SLC15A1: variants seen among roughly 807,000 people sequenced by gnomAD.
The protein encoded by SLC15A1 is solute carrier family 15 member 1, also known as Caco-2 oligopeptide transporter.
A neutral mutation model predicts 92.9 loss-of-function variants in SLC15A1; 83 were observed. The ratio of observed to expected loss-of-function variants is 0.89; its 90% confidence interval spans 0.75 to 1.07. The LOEUF (loss-of-function observed/expected upper bound fraction) is 1.07, where lower values mean the gene tolerates loss of function less well. SLC15A1 is among the 50% of genes least tolerant of loss of function. The pLI is 0.00. For synonymous variants in SLC15A1, 322 were observed against 318.2 expected (o/e 1.01, Z -0.13); for missense variants, 857 against 880.1 (o/e 0.97, Z 0.33).
chr13:98,724,903 T>G (rs1367474514), intron 4 of SLC15A1, among the ~76,000 whole-genome samples: 1 of 152,172 alleles, frequency 6.6e-6, no homozygotes, highest in African/African-American at 2.4e-5. Flanking sequence ...CATGCTACAG[T>G]TTGGTTATCT....
At chr13:98,740,210 C>A (rs1164995334) in intron 1 of SLC15A1, among the ~76,000 whole-genome samples, 1 of 152,148 alleles carries the variant, frequency 6.6e-6, no homozygotes, top group African/African-American at 2.4e-5. Flanking sequence ...CCTGTCACTC[C>A]GAAGCCATGC....
intron 18 of SLC15A1, among the ~76,000 whole-genome samples, chr13:98,700,981 A>G (rs2088062388): frequency 6.6e-6 from 1 of 152,216 alleles, no homozygotes; most frequent in South Asian, 2.1e-4. Flanking sequence ...TTCCAACTTA[A>G]TTCTTTTTCA....
Position 98,688,580 on chromosome 13 carries a change from G to A in SLC15A1, c.1467-3C>T. On this transcript the variant is annotated splice_region_variant and splice_polypyrimidine_tract_variant and intron_variant, in intron 18 of 22. Coordinates refer to ENST00000376503, the MANE Select transcript of SLC15A1 (RefSeq NM_005073.4). ...GCTCGTTAAAAGTATTTACAAATCTGAAACAGAAAACCATCTGTCTTGTAA... is the reference window on the plus strand; with the variant it reads ...GCTCGTTAAAAGTATTTACAAATCTAAAACAGAAAACCATCTGTCTTGTAA... 6.2e-7 allele frequency: 1 copy of A among 1,606,102 alleles called. No homozygotes were observed. Among genetic ancestry groups the A allele is most frequent in the Non-Finnish European group, 8.5e-7 (1 of 1,173,070 alleles).
At chr13:98,688,641 C>T in intron 18 of SLC15A1, 64 bp from the exon 19 acceptor site, 1 of 1,193,750 alleles carries the variant, frequency 8.4e-7, no homozygotes, top group Non-Finnish European at 1.2e-6. Flanking sequence ...GGTCACAGTA[C>T]ATGCACCTGA....
At chr13:98,690,040 A>G (rs573261950) in intron 18 of SLC15A1, among the ~76,000 whole-genome samples, 3 of 152,144 alleles carry the variant, frequency 2.0e-5, no homozygotes, top group South Asian at 4.2e-4. Context: ...CTCTCATACA[A>G]CCCTAGTGAC....
chr13:98,721,769 A>G (rs1309777491), intron 6 of SLC15A1, 35 bp downstream of exon 6: 8 of 1,588,774 alleles, frequency 5.0e-6, no homozygotes, highest in Non-Finnish European at 5.2e-6. Flanking sequence ...TGTGTAGTTC[A>G]TTCACGTGGG....
At position 98,688,315 on chromosome 13, in the gene SLC15A1, C is replaced by A; in HGVS notation, c.1616G>T (p.Cys539Phe). The change falls in exon 20 of 23, where the codon TGT (cysteine) becomes TTT (phenylalanine). Residue 539 changes from cysteine (C) to phenylalanine (F), a missense_variant. By Grantham distance (205) the Cys-to-Phe change is radical. Transcript: ENST00000376503. ...TISSTEIPPQ[C>F]QPNFNTFYLE... ...GTAGAAAGTATTGAAATTAGGTTGA[C>A]ATTGTGGCGGAATCTCTGTTGAGCT... is the stretch of plus-strand genomic sequence containing the variant. 6.2e-7 allele frequency: 1 copy of A among 1,614,062 alleles called. No individual in the cohort carries two copies. The highest frequency in any genetic ancestry group is 2.2e-5 in the East Asian group (1 of 44,844).
intron 17 of SLC15A1, among the ~76,000 whole-genome samples, chr13:98,702,936 C>G (rs2088079838): frequency 2.2e-5 from 3 of 139,050 alleles, no homozygotes; most frequent in African/African-American, 8.2e-5. Context: ...CCACTGCACT[C>G]CAGATGGTGC....
chr13:98,731,209 T>C (rs1322207872), intron 1 of SLC15A1, among the ~76,000 whole-genome samples: 1 of 152,246 alleles, frequency 6.6e-6, no homozygotes, highest in East Asian at 1.9e-4. Flanking sequence ...CCTCCTGTGC[T>C]GAGCATGGCC....
At chr13:98,722,759 T>A (rs1375432032) in intron 5 of SLC15A1, among the ~76,000 whole-genome samples, 2 of 152,212 alleles carry the variant, frequency 1.3e-5, no homozygotes, top group African/African-American at 4.8e-5. Flanking sequence ...TAATACAACT[T>A]GCATTTAATG....
chr13:98,692,212 G>C (rs900767732), intron 18 of SLC15A1, among the ~76,000 whole-genome samples: 9 of 132,004 alleles, frequency 6.8e-5, no homozygotes, highest in Admixed American at 4.6e-4. Flanking sequence ...GGAGTGCAGT[G>C]GTGCAATCAT....
chr13:98,729,343 C>T (rs9582258), intron 1 of SLC15A1, among the ~76,000 whole-genome samples: 4,126 of 152,292 alleles, frequency 0.027, 203 homozygotes, highest in African/African-American at 0.095. Context: ...TGAAAAGCAG[C>T]TCAACTGGAA....
At chr13:98,694,389 G>C (rs1303735842) in intron 18 of SLC15A1, among the ~76,000 whole-genome samples, 3 of 152,112 alleles carry the variant, frequency 2.0e-5, no homozygotes, top group East Asian at 3.9e-4. Context: ...GTAAAATATT[G>C]GTTTAAGAAA....
rs185690350 is a variant in SLC15A1, at chr13:98,717,744, C to T, written c.640+1493G>A. Among the ~76,000 whole-genome samples the T allele has an allele frequency of 2.6e-3, 392 of 152,276 alleles. 1 individual carries two copies. Among genetic ancestry groups the T allele is most frequent in the Non-Finnish European group, 4.0e-3 (269 of 68,022 alleles). On this transcript the variant is annotated intron_variant, in intron 8 of 22. Transcript: ENST00000376503. Reference sequence around the variant, plus strand: ...CACTGTGAGCAAAAGAGATTGAAAACGGTCCTATTCCATGTACTACTAAGA... The same window carrying T: ...CACTGTGAGCAAAAGAGATTGAAAATGGTCCTATTCCATGTACTACTAAGA...
intron 18 of SLC15A1, among the ~76,000 whole-genome samples, chr13:98,689,401 G>A (rs9783535): frequency 0.067 from 10,247 of 152,174 alleles, 781 homozygotes; most frequent in African/African-American, 0.19. Flanking sequence ...AAGGGCACCC[G>A]GGACTGGAGA....
intron 16 of SLC15A1, among the ~76,000 whole-genome samples, chr13:98,705,722 T>C (rs996683145): frequency 6.6e-6 from 1 of 151,946 alleles, no homozygotes; most frequent in Admixed American, 6.6e-5. Context: ...CAAAACCCTG[T>C]CTCTACTAAA....
In SLC15A1 at chr13:98,723,978, A is replaced by G; in HGVS notation, c.299T>C (p.Val100Ala). Residue 100 changes from valine to alanine, a missense_variant, in exon 5 of 23, where the codon GTA becomes GCA. Coordinates refer to ENST00000376503, the MANE Select transcript of SLC15A1 (RefSeq NM_005073.4). Reference protein sequence around the residue: ...VYTIGQAVTSVSSINDLTDHN... With the variant: ...VYTIGQAVTSASSINDLTDHN... Reference sequence around the variant, plus strand: ...GTCTGTGAGGTCATTAATGGAGCTTACTGAGGTGACTGCTTGTCCAATTGT... The same window carrying G: ...GTCTGTGAGGTCATTAATGGAGCTTGCTGAGGTGACTGCTTGTCCAATTGT... 1 of 1,614,192 alleles carries G rather than the reference A, an allele frequency of 6.2e-7. No individual in the cohort carries two copies. Among genetic ancestry groups the G allele is most frequent in the Non-Finnish European group, 8.5e-7 (1 of 1,180,022 alleles).
Position 98,704,350 on chromosome 13 carries a change from T to G in SLC15A1, c.1355A>C (p.Asp452Ala). 6.2e-7 allele frequency: 1 copy of G among 1,613,970 alleles called. No homozygotes were observed. Among genetic ancestry groups the G allele is most frequent in the African/African-American group, 1.3e-5 (1 of 75,014 alleles). ...SPGSPVTAVT[D>A]DFKQGQRHTL... is the part of the protein sequence containing the mutation. ...GTGGCGTTGGCCCTGCTTGAAGTCG[T>G]CAGTTACAGCAGTGACTGGTGATCC... is the stretch of plus-strand genomic sequence containing the variant. Residue 452 changes from aspartate to alanine, a missense_variant, in exon 17 of 23, where the codon GAC becomes GCC. Coordinates refer to ENST00000376503, the MANE Select transcript of SLC15A1 (RefSeq NM_005073.4).
At chr13:98,702,676 C>T in intron 17 of SLC15A1, 147 bp from the exon 18 acceptor site, 1 of 666,526 alleles carries the variant, frequency 1.5e-6, no homozygotes, top group South Asian at 1.8e-5. Flanking sequence ...GCTCTGGAGG[C>T]CGGGCACAGT....
Sources: gnomAD v4.1 joint callset for allele counts (sites outside exome capture counted in the v4.1 genomes callset) on GRCh38, gnomAD v4.1.1 for gene constraint, MANE v1.5 for transcripts, NCBI Gene and HGNC (gene_info 2026-07-23, HGNC 2026-07-21) for gene names.